UST: variants seen among roughly 807,000 people sequenced by gnomAD.
The protein encoded by UST is chondroitin sulfate 2-O-sulfotransferase.
UST carries 21 observed loss-of-function variants against 45.6 expected under a neutral mutation model. The observed-to-expected ratio is 0.46, with a 90% confidence interval of 0.33 to 0.66. The LOEUF (loss-of-function observed/expected upper bound fraction) is 0.66, where lower values mean the gene tolerates loss of function less well. UST is among the 30% of genes least tolerant of loss of function. UST has a pLI of 0.02. For missense variants in UST, 463 were observed against 512.4 expected, an observed-to-expected ratio of 0.90 and a Z score of 0.93; for synonymous variants, 215 against 200.6, an observed-to-expected ratio of 1.07 and a Z score of -0.61.
At chr6:148,899,677 G>A (rs942315429) in intron 2 of UST, among the ~76,000 whole-genome samples, 5 of 152,240 alleles carry the variant, frequency 3.3e-5, no homozygotes, top group Non-Finnish European at 4.4e-5. Flanking sequence ...GTGCATGCAC[G>A]TAACACACAG....
chr6:148,874,869 C>T (rs1355945589), intron 1 of UST, among the ~76,000 whole-genome samples: 1 of 152,196 alleles, frequency 6.6e-6, no homozygotes, highest in Non-Finnish European at 1.5e-5. Context: ...GAAAGTGTGG[C>T]ATTAGCATAA....
Position 148,890,848 on chromosome 6 carries a change from G to A in UST, c.291+3819G>A, listed in dbSNP as rs146407065. On this transcript the variant is annotated intron_variant, in intron 2 of 7. Coordinates refer to ENST00000367463, the MANE Select transcript of UST (RefSeq NM_005715.3). Reference sequence around the variant, plus strand: ...ACTACTTTGTATGTACACAGAATACGGTGGTTTAAGGTTAGAGCACTGACT... The same window carrying A: ...ACTACTTTGTATGTACACAGAATACAGTGGTTTAAGGTTAGAGCACTGACT... Among the ~76,000 whole-genome samples, 1,022 of 152,278 alleles carry A rather than the reference G, an allele frequency of 6.7e-3. 12 individuals are homozygous for A. The highest frequency in any genetic ancestry group is 0.023 in the African/African-American group (970 of 41,538).
At chr6:148,939,844 A>G (rs1780090218) in intron 2 of UST, among the ~76,000 whole-genome samples, 1 of 152,172 alleles carries the variant, frequency 6.6e-6, no homozygotes, top group African/African-American at 2.4e-5. Context: ...AACCAAAACA[A>G]CCAGAGAAAA....
At chr6:148,791,635 T>C (rs942622849) in intron 1 of UST, among the ~76,000 whole-genome samples, 2 of 152,190 alleles carry the variant, frequency 1.3e-5, no homozygotes, top group East Asian at 1.9e-4. Context: ...TACAATACTC[T>C]TGTTGTCCTA....
At chr6:148,792,667 T>C (rs1776873239) in intron 1 of UST, among the ~76,000 whole-genome samples, 1 of 152,214 alleles carries the variant, frequency 6.6e-6, no homozygotes, top group African/African-American at 2.4e-5. Flanking sequence ...TGTTATAGTT[T>C]AACTTTAGCC....
intron 1 of UST, among the ~76,000 whole-genome samples, chr6:148,774,490 A>G (rs1776493264): frequency 1.3e-5 from 2 of 152,284 alleles, no homozygotes; most frequent in Admixed American, 1.3e-4. Flanking sequence ...ATATAGTTTA[A>G]ACTTTTAAAG....
chr6:148,894,410 G>T (rs1367765859), intron 2 of UST, among the ~76,000 whole-genome samples: 1 of 152,152 alleles, frequency 6.6e-6, no homozygotes, highest in Non-Finnish European at 1.5e-5. Context: ...TGGACACAGA[G>T]ATAGAGACCC....
chr6:149,011,258 A>G (rs1775806321), intron 5 of UST, among the ~76,000 whole-genome samples: 1 of 152,192 alleles, frequency 6.6e-6, no homozygotes, highest in Non-Finnish European at 1.5e-5. Context: ...GGAGCTAAAA[A>G]TTAAGATAAT....
intron 7 of UST, among the ~76,000 whole-genome samples, chr6:149,037,114 G>C (rs1044166645): frequency 5.9e-5 from 9 of 152,140 alleles, no homozygotes; most frequent in African/African-American, 1.4e-4. Flanking sequence ...GAAGGCCTCG[G>C]GGGGTGAGCA....
At chr6:149,037,648 C>T (rs973433328) in intron 7 of UST, among the ~76,000 whole-genome samples, 6 of 152,256 alleles carry the variant, frequency 3.9e-5, no homozygotes, top group Non-Finnish European at 8.8e-5. Flanking sequence ...AAGTGTGGTC[C>T]ACGGACCGGT....
At chr6:148,945,726 T>G (rs1022478623) in intron 3 of UST, among the ~76,000 whole-genome samples, 2 of 152,250 alleles carry the variant, frequency 1.3e-5, no homozygotes, top group Non-Finnish European at 1.5e-5. Flanking sequence ...ACTGTTTGAC[T>G]GGATTTCACC....
intron 5 of UST, among the ~76,000 whole-genome samples, chr6:148,996,377 C>T (rs1421895730): frequency 1.3e-5 from 2 of 152,120 alleles, no homozygotes; most frequent in Non-Finnish European, 2.9e-5. Flanking sequence ...TGCCACCATG[C>T]CCAGCTAATT....
chr6:149,074,184 T>A lies in UST; in HGVS notation c.*68T>A. 1.3e-6 allele frequency: 2 copies of A among 1,530,100 alleles called. No homozygotes were observed. Among genetic ancestry groups the A allele is most frequent in the Non-Finnish European group, 1.8e-6 (2 of 1,123,584 alleles). 94.8% of individuals were successfully genotyped at this position (1,530,100 alleles called of 1,614,324 possible). A position where few individuals can be genotyped will look rare whatever the true frequency, so the allele number is the denominator to read the frequency against. ...AAGTTCTTTGTTTGGGGAAGTAAAA[T>A]CCTTAAGGGACTAAATTAATGCTTG... On this transcript the variant is annotated 3_prime_UTR_variant, in exon 8 of 8. Transcript: ENST00000367463.
At chr6:148,857,084 GA>G (rs1778219994) in intron 1 of UST, among the ~76,000 whole-genome samples, 1 of 151,750 alleles carries the variant, frequency 6.6e-6, no homozygotes, top group Non-Finnish European at 1.5e-5. Flanking sequence ...TGTCATCTTA[GA>G]ATTTTTTGGG....
chr6:149,046,690 C>T (rs781417509), intron 7 of UST, among the ~76,000 whole-genome samples: 3 of 152,188 alleles, frequency 2.0e-5, no homozygotes, highest in Admixed American at 6.5e-5. Flanking sequence ...GCCCGTGCAC[C>T]GATGTACAGT....
At position 148,747,481 on chromosome 6, in the gene UST, T is replaced by A. The variant is rs1347801907; in HGVS notation, c.51T>A (p.His17Gln). The A allele has an allele frequency of 1.3e-6, 2 of 1,490,870 alleles. No individual in the cohort carries two copies. Among genetic ancestry groups the A allele is most frequent in the African/African-American group, 1.4e-5 (1 of 69,000 alleles). 92.4% of individuals were successfully genotyped at this position (1,490,870 alleles called of 1,614,324 possible). A position where few individuals can be genotyped will look rare whatever the true frequency, so the allele number is the denominator to read the frequency against. The change falls in exon 1 of 8, where the codon CAT becomes CAA. Residue 17 changes from histidine (H) to glutamine (Q), a missense_variant. His to Gln is a conservative substitution (Grantham distance 24, BLOSUM62 0). Coordinates refer to ENST00000367463, the MANE Select transcript of UST (RefSeq NM_005715.3). ...GCGGCGGCGCGGATCCCTGGCCCCA[T>A]GGGGCCCCTATGGGGGGCGCCCCTC... Reference protein sequence around the residue: ...HPGGGADPWPHGAPMGGAPPG... With the variant: ...HPGGGADPWPQGAPMGGAPPG...
At position 149,027,233 on chromosome 6, in the gene UST, G is replaced by T. The variant is rs577559727; in HGVS notation, c.937+5752G>T. Among the ~76,000 whole-genome samples the T allele has an allele frequency of 1.5e-4, 23 of 152,232 alleles. No individual in the cohort carries two copies. In the South Asian group the frequency reaches 4.8e-3, roughly 32 times the overall value. ...GAAAACTTTTAAATACTATGCTACA[G>T]AAATAATTCAAATTTTAATCCATCA... On this transcript the variant is annotated intron_variant, in intron 7 of 7. Transcript: ENST00000367463.
chr6:148,955,757 C>A (rs1780482070), intron 4 of UST: 1 of 152,280 alleles, frequency 6.6e-6, no homozygotes, highest in Non-Finnish European at 1.5e-5. Flanking sequence ...TCACCCCTGA[C>A]ATCCTTAAAC....
intron 1 of UST, among the ~76,000 whole-genome samples, chr6:148,851,965 G>C (rs1778115949): frequency 6.6e-6 from 1 of 152,202 alleles, no homozygotes; most frequent in Non-Finnish European, 1.5e-5. Context: ...CATGTGGCTG[G>C]GAAAGGTTTC....
Sources: allele counts gnomAD v4.1 joint callset (sites outside exome capture counted in the v4.1 genomes callset), GRCh38; gene constraint gnomAD v4.1.1; transcripts MANE v1.5; gene names NCBI Gene and HGNC (gene_info 2026-07-23, HGNC 2026-07-21).